Variants in ZNF275 observed in about 807,000 individuals in gnomAD.
ZNF275 encodes zinc finger protein 275.
In ZNF275, 4 loss-of-function variants were observed where a neutral mutation model predicts 4.3. That is an observed-to-expected ratio of 0.93 (90% CI 0.46 to 2.13). The LOEUF is 2.13. ZNF275 is among the 30% of genes most tolerant of loss of function. The pLI is 0.02. For synonymous variants in ZNF275, 173 were observed against 166.9 expected, an observed-to-expected ratio of 1.04 and a Z score of -0.28; for missense variants, 352 against 397.1, an observed-to-expected ratio of 0.89 and a Z score of 0.97.
chrX:153,334,657 T>A (rs782209620), intron 1 of ZNF275, among the ~76,000 whole-genome samples: 1 of 108,162 alleles, frequency 9.2e-6, no homozygotes, highest in African/African-American at 3.4e-5. Flanking sequence ...TGGGGGACGC[T>A]AGGAGATGGG....
chrX:153,345,575 A>C lies in ZNF275; in HGVS notation c.87A>C (p.Leu29=). ...CTCACCTGGCACAAGGACAAGTGCT[A>C]CTGGTGTCAGACCCATCGCCCAACA... is the stretch of plus-strand genomic sequence containing the variant. ...LVPHLAQGQV[L]LVSDPSPNTD... Residue 29 remains leucine (L), a synonymous_variant, in exon 3 of 4, where the codon CTA becomes CTC. Transcript: ENST00000650114. 2.5e-6 allele frequency: 3 copies of C among 1,211,165 alleles called. No homozygotes were observed. Among genetic ancestry groups the C allele is most frequent in the Non-Finnish European group, 3.4e-6 (3 of 894,766 alleles).
Position 153,351,200 on chromosome X carries a change from C to T in ZNF275, c.*3225C>T, listed in dbSNP as rs1238031024. ...TTTGCCGTCAAGGTTGACAGAACAGCTGTTCATGGTGTTTGCGGTGAAACC... is the reference window on the plus strand; with the variant it reads ...TTTGCCGTCAAGGTTGACAGAACAGTTGTTCATGGTGTTTGCGGTGAAACC... On this transcript the variant is annotated 3_prime_UTR_variant, in exon 4 of 4. Coordinates refer to ENST00000650114, the MANE Select transcript of ZNF275 (RefSeq NM_001367757.1). 8.1e-6 allele frequency: 1 copy of T among 123,888 alleles called. No individual in the cohort carries two copies. The highest frequency in any genetic ancestry group is 9.4e-5 in the Admixed American group (1 of 10,690). The allele number at this position is 123,888 out of a possible 1,213,427, so 10.2% of individuals were successfully genotyped here. A position where few individuals can be genotyped will look rare whatever the true frequency, so the allele number is the denominator to read the frequency against.
chrX:153,346,478 G>C lies in ZNF275; in HGVS notation c.134-341G>C, dbSNP rs193219051. On this transcript the variant is annotated intron_variant, in intron 3 of 3. Coordinates refer to ENST00000650114, the MANE Select transcript of ZNF275 (RefSeq NM_001367757.1). ...GAGCTCTTGATGGTGAGGTTAGGTT[G>C]AGGATCAGCAGGGCCCTTTGGAGAT... Among the ~76,000 whole-genome samples, 698 of 109,583 alleles carry C rather than the reference G, an allele frequency of 6.4e-3. 2 individuals carry two copies. Among genetic ancestry groups the C allele is most frequent in the Middle Eastern group, 0.025 (5 of 197 alleles).
rs781973123 is a variant in ZNF275, at chrX:153,347,995, G to A, written c.*20G>A. Reference sequence around the variant, plus strand: ...GAGTAGAAACGCCCTGTGGTCCCGCGGGACAGGGACGGAGTCCCCAGAGGG... The same window carrying A: ...GAGTAGAAACGCCCTGTGGTCCCGCAGGACAGGGACGGAGTCCCCAGAGGG... On this transcript the variant is annotated 3_prime_UTR_variant, in exon 4 of 4. Coordinates refer to ENST00000650114, the MANE Select transcript of ZNF275 (RefSeq NM_001367757.1). 1.4e-5 allele frequency: 15 copies of A among 1,094,975 alleles called. No homozygotes were observed. In the South Asian group the frequency reaches 1.4e-4, roughly 10 times the overall value. The allele number at this position is 1,094,975 out of a possible 1,213,427, so 90.2% of individuals were successfully genotyped here.
At chrX:153,342,369 GTC>G (rs1432079231) in intron 2 of ZNF275, among the ~76,000 whole-genome samples, 3 of 111,861 alleles carry the variant, frequency 2.7e-5, no homozygotes, top group Non-Finnish European at 3.8e-5. Context: ...TTGTCTGTGA[GTC>G]ATCACTGGTC....
Position 153,347,222 on chromosome X carries a change from G to A in ZNF275, c.537G>A (p.Lys179=). ...GGGAGCAGATGGAGAGGGAGGCAAA[G>A]CCCTTCGAGTGCGAGGAGTGCGGAA... ...EKREQMEREA[K]PFECEECGKR... is the part of the protein sequence containing the mutation. Residue 179 remains lysine (K), a synonymous_variant, in exon 4 of 4, where the codon AAG becomes AAA. Coordinates refer to ENST00000650114, the MANE Select transcript of ZNF275 (RefSeq NM_001367757.1). 8.3e-7 allele frequency: 1 copy of A among 1,210,673 alleles called. No individual in the cohort carries two copies. The highest frequency in any genetic ancestry group is 1.1e-6 in the Non-Finnish European group (1 of 894,656).
rs782314309 is a variant in ZNF275 at position 153,345,507 on chromosome X, T to C, written c.32-13T>C. ...TGGCTGTTGCCATAACCAATCTCCTTTCCCATGAGCAGGCGTTCCTGTTTT... is the reference window on the plus strand; with the variant it reads ...TGGCTGTTGCCATAACCAATCTCCTCTCCCATGAGCAGGCGTTCCTGTTTT... On this transcript the variant is annotated splice_polypyrimidine_tract_variant and intron_variant, in intron 2 of 3. Coordinates refer to ENST00000650114, the MANE Select transcript of ZNF275 (RefSeq NM_001367757.1). 1 of 1,192,113 alleles carries C rather than the reference T, an allele frequency of 8.4e-7. No individual in the cohort carries two copies. The highest frequency in any genetic ancestry group is 3.0e-5 in the East Asian group (1 of 33,629).
chrX:153,340,193 A>C (rs1211268771), intron 2 of ZNF275, among the ~76,000 whole-genome samples: 2 of 112,157 alleles, frequency 1.8e-5, no homozygotes, highest in African/African-American at 6.5e-5. Context: ...GATGAACACG[A>C]TCTCACACTG....
chrX:153,347,016 C>A lies in ZNF275; in HGVS notation c.331C>A (p.Arg111=), dbSNP rs994250090. 2 of 1,211,202 alleles carry A rather than the reference C, an allele frequency of 1.7e-6. No homozygotes were observed. The highest frequency in any genetic ancestry group is 3.0e-5 in the East Asian group (1 of 33,793). Residue 111 remains arginine (R), a synonymous_variant, in exon 4 of 4, where the codon CGG becomes AGG. Transcript: ENST00000650114. ...FACKECGDTF[R]LKVLLVQHQR... ...TTGTAAAGAGTGTGGGGACACCTTT[C>A]GGCTTAAAGTCCTGCTTGTCCAGCA... is the stretch of plus-strand genomic sequence containing the variant.
rs1556961616 is a variant in ZNF275, at chrX:153,346,854, G to A, written c.169G>A (p.Glu57Lys). 3 of 1,205,456 alleles carry A rather than the reference G, an allele frequency of 2.5e-6. No homozygotes were observed. The highest frequency in any genetic ancestry group is 3.4e-6 in the Non-Finnish European group (3 of 891,551). Residue 57 changes from glutamate to lysine, a missense_variant, in exon 4 of 4, where the codon GAA becomes AAA. Coordinates refer to ENST00000650114, the MANE Select transcript of ZNF275 (RefSeq NM_001367757.1). The stretch of plus-strand genomic sequence containing the variant: ...CGCGACCCGACACCAGATGAAGGGG[G>A]AAGATGCCCAGCCACAGGAGATGGC... ...TSATRHQMKG[E>K]DAQPQEMAST...
At position 153,349,838 on chromosome X, in the gene ZNF275, A is replaced by G. The variant is rs1340624631; in HGVS notation, c.*1863A>G. On this transcript the variant is annotated 3_prime_UTR_variant, in exon 4 of 4. Transcript: ENST00000650114. ...TCTGTGGGCACCACTTGACTATCCA[A>G]CCTGACCACTGCGGCACACTGGAGA... 1 of 124,871 alleles carries G rather than the reference A, an allele frequency of 8.0e-6. No individual in the cohort carries two copies. 10.3% of individuals were successfully genotyped at this position (124,871 alleles called of 1,213,427 possible).
At chrX:153,345,740 C>T in intron 3 of ZNF275, 119 bp downstream of exon 3, 1 of 134,803 alleles carries the variant, frequency 7.4e-6, no homozygotes, top group Non-Finnish European at 1.0e-5. Flanking sequence ...TTGGGGGTCC[C>T]AGCTGAGCTC....
At chrX:153,337,927 G>T (rs2088456767) in intron 2 of ZNF275, among the ~76,000 whole-genome samples, 1 of 111,923 alleles carries the variant, frequency 8.9e-6, no homozygotes, top group Non-Finnish European at 1.9e-5. Context: ...TGAGATTCAG[G>T]ACATGCTTTT....
intron 1 of ZNF275, among the ~76,000 whole-genome samples, chrX:153,334,628 A>G (rs1220471604): frequency 9.1e-6 from 1 of 110,466 alleles, no homozygotes; most frequent in African/African-American, 3.3e-5. Context: ...GCTAAAGTGT[A>G]GAGGCCTGCT....
At chrX:153,346,771 C>T in intron 3 of ZNF275, 48 bp from the exon 4 acceptor site, 1 of 1,098,348 alleles carries the variant, frequency 9.1e-7, no homozygotes, top group South Asian at 2.2e-5. Flanking sequence ...GAGGCCCTTC[C>T]CTCCTTCATC....
In ZNF275 at chrX:153,347,503, C is replaced by G. The variant is rs369214798; in HGVS notation, c.818C>G (p.Ser273Cys). The G allele has an allele frequency of 1.3e-4, 160 of 1,198,956 alleles. 1 individual carries two copies. Among genetic ancestry groups the G allele is most frequent in the Non-Finnish European group, 1.8e-4 (156 of 889,211 alleles). Reference sequence around the variant, plus strand: ...TTCGACTGCGACGACTGCGGCAAGTCCTTCCGAGGGGTCAACGGGCTGGCC... The same window carrying G: ...TTCGACTGCGACGACTGCGGCAAGTGCTTCCGAGGGGTCAACGGGCTGGCC... ...LPFDCDDCGK[S>C]FRGVNGLAEH... Residue 273 changes from serine (S) to cysteine (C), a missense_variant, in exon 4 of 4, where the codon TCC (serine) becomes TGC (cysteine). Coordinates refer to ENST00000650114, the MANE Select transcript of ZNF275 (RefSeq NM_001367757.1).
chrX:153,348,241 A>T lies in ZNF275; in HGVS notation c.*266A>T. On this transcript the variant is annotated 3_prime_UTR_variant, in exon 4 of 4. Transcript: ENST00000650114. ...GCCTTGAATCCAAGAATGAGAGAGG[A>T]CAAATCTGGATGTGGGGTAGGGAGG... is the stretch of plus-strand genomic sequence containing the variant. 1 of 174,121 alleles carries T rather than the reference A, an allele frequency of 5.7e-6. No individual in the cohort carries two copies. The highest frequency in any genetic ancestry group is 1.1e-5 in the Non-Finnish European group (1 of 87,570). 14.3% of individuals were successfully genotyped at this position (174,121 alleles called of 1,213,427 possible).
rs782250806 is a variant in ZNF275, at chrX:153,347,872, G to A, written c.1187G>A (p.Arg396Gln). 1.0e-5 allele frequency: 12 copies of A among 1,201,566 alleles called. No individual in the cohort carries two copies. The highest frequency in any genetic ancestry group is 9.0e-5 in the East Asian group (3 of 33,353). The change falls in exon 4 of 4, where the codon CGG becomes CAG. Residue 396 changes from arginine to glutamine, a missense_variant. Physicochemically the swap from Arg to Gln is conservative, Grantham distance 43. Coordinates refer to ENST00000650114, the MANE Select transcript of ZNF275 (RefSeq NM_001367757.1). ...FRRSSGLSRH[R>Q]RIHSGARRCE... is the part of the protein sequence containing the mutation. Reference sequence around the variant, plus strand: ...CGGAGCTCCGGCCTCAGTCGCCACCGGCGGATCCACAGTGGGGCGCGGCGC... The same window carrying A: ...CGGAGCTCCGGCCTCAGTCGCCACCAGCGGATCCACAGTGGGGCGCGGCGC...
chrX:153,335,177 C>T (rs1363937116), intron 1 of ZNF275, among the ~76,000 whole-genome samples: 1 of 109,506 alleles, frequency 9.1e-6, no homozygotes, highest in African/African-American at 3.3e-5. Flanking sequence ...CAACCCCCTG[C>T]CCCCATTCCT....
Sources: allele counts gnomAD v4.1 joint callset (sites outside exome capture counted in the v4.1 genomes callset), GRCh38; gene constraint gnomAD v4.1.1; transcripts MANE v1.5; gene names NCBI Gene and HGNC (gene_info 2026-07-23, HGNC 2026-07-21).